Variants in ACACA observed in about 807,000 individuals in gnomAD.
ACACA encodes the protein acetyl-CoA carboxylase alpha, also known as acetyl-CoA carboxylase 1.
A neutral mutation model predicts 296.1 loss-of-function variants in ACACA; 103 were observed. That is an observed-to-expected ratio of 0.35 (90% CI 0.30 to 0.41). The LOEUF (loss-of-function observed/expected upper bound fraction) is 0.41, where lower values mean the gene tolerates loss of function less well. Among genes scored for constraint, ACACA ranks in the 10% least tolerant of loss-of-function variants. The pLI, the probability that ACACA is intolerant of heterozygous loss-of-function variation, is 1.00. For synonymous variants in ACACA, 953 were observed against 1,038.6 expected (o/e 0.92, Z 1.58); for missense variants, 1,554 against 2,989.7 (o/e 0.52, Z 11.20).
chr17:37,145,375 C>A (rs548901090), intron 45 of ACACA, among the ~76,000 whole-genome samples: 6 of 152,166 alleles, frequency 3.9e-5, no homozygotes, highest in Non-Finnish European at 8.8e-5. Context: ...AGGTCTGCCA[C>A]GCAGTGAGGC....
chr17:37,313,137 T>C (rs930741032), intron 3 of ACACA, among the ~76,000 whole-genome samples: 6 of 152,110 alleles, frequency 3.9e-5, no homozygotes, highest in African/African-American at 1.4e-4. Flanking sequence ...CATTTTGAGA[T>C]AAGAATTTTG....
intron 3 of ACACA, chr17:37,299,579 ACTTAG>A (rs1325976376): frequency 2.2e-6 from 3 of 1,360,060 alleles, no homozygotes; most frequent in Non-Finnish European, 2.8e-6. Context: ...TCCTCCACAC[ACTTAG>A]CTTACACACA....
At chr17:37,361,889 C>G (rs2049417886) in intron 1 of ACACA, among the ~76,000 whole-genome samples, 1 of 152,200 alleles carries the variant, frequency 6.6e-6, no homozygotes. Context: ...GAAGCTGATA[C>G]TAGAGGTCTG....
intron 34 of ACACA, 60 bp downstream of exon 34, chr17:37,200,367 T>C: frequency 6.6e-7 from 1 of 1,504,078 alleles, no homozygotes; most frequent in Non-Finnish European, 9.3e-7. Flanking sequence ...AATCCCATTT[T>C]TATTAAGTTG....
chr17:37,279,401 G>A (rs563254911), intron 5 of ACACA, among the ~76,000 whole-genome samples: 33 of 152,160 alleles, frequency 2.2e-4, no homozygotes, highest in Non-Finnish European at 4.1e-4. Context: ...TTGGGAGGCT[G>A]AGGTGGGCGG....
chr17:37,231,737 G>A (rs1325143599), intron 25 of ACACA, among the ~76,000 whole-genome samples: 2 of 152,192 alleles, frequency 1.3e-5, no homozygotes, highest in Admixed American at 6.5e-5. Context: ...TACCATCAAG[G>A]TGGCTAGAAG....
intron 29 of ACACA, among the ~76,000 whole-genome samples, chr17:37,214,750 A>G (rs114554847): frequency 0.02 from 3,116 of 152,304 alleles, 102 homozygotes; most frequent in African/African-American, 0.071. Context: ...TCTGCCAGAT[A>G]CTTGCATCTT....
chr17:37,229,581 G>A (rs1324188387), intron 25 of ACACA, among the ~76,000 whole-genome samples: 1 of 151,994 alleles, frequency 6.6e-6, no homozygotes, highest in African/African-American at 2.4e-5. Context: ...GGGATTACAG[G>A]TGTGAGCCAC....
chr17:37,377,659 CAATAAATAAATAAATA>C lies in ACACA; in HGVS notation c.38+28587_38+28602del, dbSNP rs140365002. The stretch of plus-strand genomic sequence containing the variant: ...TGGGCGACAGAGTGAGACTCCGTCT[CAATAAATAAATAAATA>C]AATAAATAAATAAATAAATAAATAA... On this transcript the variant is annotated intron_variant, in intron 1 of 55. Coordinates refer to ENST00000616317, the MANE Select transcript of ACACA (RefSeq NM_198834.3). 1.2e-3 allele frequency among the ~76,000 whole-genome samples: 171 copies of C among 143,634 alleles called. 2 individuals carry two copies. The South Asian group carries it at 0.022, about 18-fold the overall frequency. 94.2% of individuals were successfully genotyped at this position (143,634 alleles called of 152,430 possible).
rs115476293 is a variant in ACACA, at chr17:37,202,470, T to G, written c.4057-1987A>C. 1.4e-3 allele frequency among the ~76,000 whole-genome samples: 217 copies of G among 151,628 alleles called. 1 individual carries two copies. Among genetic ancestry groups the G allele is most frequent in the African/African-American group, 4.9e-3 (204 of 41,364 alleles). On this transcript the variant is annotated intron_variant, in intron 33 of 55. Transcript: ENST00000616317. Reference sequence around the variant, plus strand: ...TTTACAAATATATGATCCTAATTTCTATGAGAGAAAAAAAGACATGCTGGG... The same window carrying G: ...TTTACAAATATATGATCCTAATTTCGATGAGAGAAAAAAAGACATGCTGGG...
chr17:37,371,143 G>A (rs574998096), intron 1 of ACACA, among the ~76,000 whole-genome samples: 2 of 151,848 alleles, frequency 1.3e-5, no homozygotes, highest in Non-Finnish European at 2.9e-5. Flanking sequence ...GCAATGTCAC[G>A]ATCTCGGCTC....
intron 41 of ACACA, 32 bp downstream of exon 41, chr17:37,179,228 T>C: frequency 6.2e-7 from 1 of 1,613,892 alleles, no homozygotes; most frequent in South Asian, 1.1e-5. Flanking sequence ...GGCACAGAGA[T>C]AAGAAAGGGA....
At chr17:37,171,112 G>A (rs149722461) in intron 41 of ACACA, among the ~76,000 whole-genome samples, 88 of 152,252 alleles carry the variant, frequency 5.8e-4, no homozygotes, top group African/African-American at 2.1e-3. Flanking sequence ...AGATGTTGAA[G>A]CTGTATTCGT....
chr17:37,342,658 G>A (rs1432655650), intron 1 of ACACA, among the ~76,000 whole-genome samples: 1 of 151,558 alleles, frequency 6.6e-6, no homozygotes, highest in Non-Finnish European at 1.5e-5. Context: ...TTAAGAGTCA[G>A]CCTGGGCCAG....
chr17:37,374,240 T>C (rs1015473782), intron 1 of ACACA, among the ~76,000 whole-genome samples: 2 of 151,838 alleles, frequency 1.3e-5, no homozygotes, highest in African/African-American at 4.8e-5. Flanking sequence ...AAAGAAGCTG[T>C]AGAGTTTGAT....
chr17:37,123,645 AG>A (rs1253244627), intron 48 of ACACA, among the ~76,000 whole-genome samples: 1 of 152,162 alleles, frequency 6.6e-6, no homozygotes, highest in Non-Finnish European at 1.5e-5. Context: ...TCATCACAAG[AG>A]GGCTGACAAG....
chr17:37,296,602 G>A (rs1241467674), intron 3 of ACACA, among the ~76,000 whole-genome samples: 2 of 151,780 alleles, frequency 1.3e-5, no homozygotes, highest in Non-Finnish European at 1.5e-5. Flanking sequence ...ACCATGCCTC[G>A]CCTGGAGCCT....
intron 48 of ACACA, 21 bp downstream of exon 48, chr17:37,125,677 C>T: frequency 1.3e-6 from 2 of 1,594,800 alleles, no homozygotes; most frequent in Non-Finnish European, 1.7e-6. Flanking sequence ...AAAAGAGCTG[C>T]CAAAACAAAA....
chr17:37,094,666 T>C (rs2072876781), intron 54 of ACACA, among the ~76,000 whole-genome samples: 1 of 150,038 alleles, frequency 6.7e-6, no homozygotes, highest in African/African-American at 2.4e-5. Context: ...CTTTCTTCTC[T>C]CAAGGGCACT....
Sources: allele counts gnomAD v4.1 joint callset (sites outside exome capture counted in the v4.1 genomes callset), GRCh38; gene constraint gnomAD v4.1.1; transcripts MANE v1.5; gene names NCBI Gene and HGNC (gene_info 2026-07-23, HGNC 2026-07-21).